The following ERBB4 variants were observed in gnomAD, a reference collection of about 807,000 sequenced individuals.
ERBB4 encodes erb-b2 receptor tyrosine kinase 4, also known as receptor tyrosine-protein kinase erbB-4.
A neutral mutation model predicts 158.0 loss-of-function variants in ERBB4; 42 were observed. The ratio of observed to expected loss-of-function variants is 0.27; its 90% CI spans 0.21 to 0.34. The LOEUF is 0.34. Ranked by LOEUF, ERBB4 falls within the 10% of genes least tolerant of loss-of-function variation. ERBB4 has a pLI of 1.00. For missense variants in ERBB4, 1,333 were observed against 1,624.1 expected (o/e 0.82, Z 3.08); for synonymous variants, 583 against 558.7 (o/e 1.04, Z -0.61).
intron 1 of ERBB4, among the ~76,000 whole-genome samples, chr2:212,528,183 G>A (rs1256369288): frequency 6.6e-6 from 1 of 152,012 alleles, no homozygotes; most frequent in African/African-American, 2.4e-5. Context: ...AAGAGCTGCT[G>A]ACCTGAAGGC....
chr2:212,087,668 C>T (rs1176826682), intron 2 of ERBB4, among the ~76,000 whole-genome samples: 1 of 152,074 alleles, frequency 6.6e-6, no homozygotes, highest in Non-Finnish European at 1.5e-5. Context: ...GACAGGTTCT[C>T]AGTCTTAGAT....
intron 3 of ERBB4, among the ~76,000 whole-genome samples, chr2:211,942,236 T>C (rs1168896766): frequency 1.3e-5 from 2 of 152,174 alleles, no homozygotes; most frequent in African/African-American, 2.4e-5. Context: ...TAATAACTTA[T>C]GCATATTTGA....
intron 1 of ERBB4, among the ~76,000 whole-genome samples, chr2:212,499,788 A>G (rs1575035239): frequency 1.3e-5 from 2 of 152,238 alleles, no homozygotes; most frequent in South Asian, 4.1e-4. Context: ...AGAACTGTTG[A>G]AGTTAAAAGT....
At chr2:212,193,466 A>C (rs1446757282) in intron 1 of ERBB4, among the ~76,000 whole-genome samples, 1 of 152,110 alleles carries the variant, frequency 6.6e-6, no homozygotes, top group African/African-American at 2.4e-5. Context: ...TACAAATAAG[A>C]AGATAGAAAA....
intron 20 of ERBB4, among the ~76,000 whole-genome samples, chr2:211,449,064 A>T (rs1176509408): frequency 6.6e-6 from 1 of 152,134 alleles, no homozygotes; most frequent in Non-Finnish European, 1.5e-5. Flanking sequence ...ATGTCTAGAT[A>T]TTAATACTGA....
At chr2:211,818,103 C>T (rs2076916877) in intron 3 of ERBB4, among the ~76,000 whole-genome samples, 1 of 152,118 alleles carries the variant, frequency 6.6e-6, no homozygotes, top group Non-Finnish European at 1.5e-5. Flanking sequence ...AGATCACATT[C>T]CTCATCTGAA....
chr2:212,103,830 A>G (rs989856367), intron 2 of ERBB4, among the ~76,000 whole-genome samples: 1 of 152,230 alleles, frequency 6.6e-6, no homozygotes, highest in African/African-American at 2.4e-5. Context: ...GAATGTTAAG[A>G]ACTGTGAAGT....
At chr2:212,359,257 TA>T (rs1037093077) in intron 1 of ERBB4, among the ~76,000 whole-genome samples, 2 of 151,496 alleles carry the variant, frequency 1.3e-5, no homozygotes, top group African/African-American at 2.4e-5. Flanking sequence ...TTACATATTT[TA>T]AAAACTTGTA....
chr2:211,659,524 C>T (rs1280145068), intron 15 of ERBB4, among the ~76,000 whole-genome samples: 1 of 151,742 alleles, frequency 6.6e-6, no homozygotes, highest in Non-Finnish European at 1.5e-5. Context: ...TATTTTTATG[C>T]CATATTATCA....
chr2:211,830,678 T>C (rs771568752), intron 3 of ERBB4, among the ~76,000 whole-genome samples: 12 of 152,132 alleles, frequency 7.9e-5, no homozygotes, highest in Non-Finnish European at 1.3e-4. Context: ...AATTTTCATA[T>C]TTTTATCAAT....
intron 1 of ERBB4, among the ~76,000 whole-genome samples, chr2:212,385,886 T>C (rs1296795630): frequency 1.3e-5 from 2 of 151,946 alleles, no homozygotes; most frequent in African/African-American, 2.4e-5. Flanking sequence ...GTCTTACATA[T>C]AGGCAGACTA....
At chr2:212,013,562 G>T (rs1189167617) in intron 2 of ERBB4, among the ~76,000 whole-genome samples, 1 of 152,172 alleles carries the variant, frequency 6.6e-6, no homozygotes, top group Admixed American at 6.5e-5. Context: ...CAGAGGGTTA[G>T]GGTAAGTCCT....
intron 1 of ERBB4, among the ~76,000 whole-genome samples, chr2:212,333,838 A>G (rs1333765437): frequency 6.6e-6 from 1 of 152,046 alleles, no homozygotes; most frequent in African/African-American, 2.4e-5. Flanking sequence ...TTGGGTTCAC[A>G]ATAATAATTC....
chr2:211,643,409 A>G (rs6706854), intron 16 of ERBB4, among the ~76,000 whole-genome samples: 126,676 of 152,076 alleles, frequency 0.83, 56,684 homozygotes, highest in East Asian at 1. Flanking sequence ...CAGCTATGCC[A>G]TTTCTAGACT....
intron 19 of ERBB4, among the ~76,000 whole-genome samples, chr2:211,570,698 C>T (rs907965268): frequency 1.3e-5 from 2 of 152,096 alleles, no homozygotes; most frequent in East Asian, 3.9e-4. Context: ...ATATATGTGT[C>T]CCATCCCATA....
intron 20 of ERBB4, among the ~76,000 whole-genome samples, chr2:211,555,900 C>A (rs144182781): frequency 5.0e-4 from 76 of 152,280 alleles, no homozygotes; most frequent in South Asian, 1.0e-3. Context: ...CACTATAAAG[C>A]AACCACACAA....
At chr2:211,392,558 C>A (rs1031238753) in intron 25 of ERBB4, among the ~76,000 whole-genome samples, 25 of 141,012 alleles carry the variant, frequency 1.8e-4, no homozygotes, top group African/African-American at 5.0e-4. Flanking sequence ...CTCTCTTACT[C>A]CACACACACA....
chr2:212,286,602 T>TTTTTTGTTTTG lies in ERBB4; in HGVS notation c.83-161700_83-161699insCAAAACAAAAA, dbSNP rs1559928604. On this transcript the variant is annotated intron_variant, in intron 1 of 27. Transcript: ENST00000342788. ...GATTACATAAGTGCTGACTTTTTTT[T>TTTTTTGTTTTG]TTTTTTTTTTTTTTTTTTGACACAG... is the stretch of plus-strand genomic sequence containing the variant. 6.0e-4 allele frequency among the ~76,000 whole-genome samples: 77 copies of TTTTTTGTTTTG among 127,644 alleles called. 5 individuals are homozygous for TTTTTTGTTTTG. Among genetic ancestry groups the TTTTTTGTTTTG allele is most frequent in the South Asian group, 1.6e-3 (6 of 3,670 alleles). The allele number at this position is 127,644 out of a possible 152,430, so 83.7% of individuals were successfully genotyped here.
intron 11 of ERBB4, 141 bp downstream of exon 11, chr2:211,703,963 G>GAAT: frequency 1.4e-6 from 1 of 708,790 alleles, no homozygotes; most frequent in Non-Finnish European, 2.6e-6. Context: ...TATTTTTATT[G>GAAT]AGCTTATCTT....
Sources: gnomAD v4.1 joint callset for allele counts (sites outside exome capture counted in the v4.1 genomes callset) on GRCh38, gnomAD v4.1.1 for gene constraint, MANE v1.5 for transcripts, NCBI Gene and HGNC (gene_info 2026-07-23, HGNC 2026-07-21) for gene names.